The following IYD variants were observed in gnomAD, a reference collection of about 807,000 sequenced individuals.
IYD encodes the protein iodotyrosine deiodinase.
A neutral mutation model predicts 28.4 loss-of-function variants in IYD; 25 were observed. The ratio of observed to expected loss-of-function variants is 0.88; its 90% confidence interval spans 0.64 to 1.23. IYD has a LOEUF of 1.23. Ranked by LOEUF, IYD falls within the 50% of genes most tolerant of loss-of-function variation. The pLI, the probability that IYD is intolerant of heterozygous loss-of-function variation, is 0.00. For missense variants in IYD, 352 were observed against 357.9 expected (o/e 0.98, Z 0.13); for synonymous variants, 140 against 130.8 (o/e 1.07, Z -0.48).
At chr6:150,388,643 CTTT>C (rs1164890741) in intron 1 of IYD, among the ~76,000 whole-genome samples, 22 of 54,028 alleles carry the variant, frequency 4.1e-4, no homozygotes, top group African/African-American at 9.3e-4. Context: ...TTCTTTCTTT[CTTT>C]CTTTCTTTCT....
chr6:150,385,494 A>T (rs117034749), intron 1 of IYD, among the ~76,000 whole-genome samples: 1 of 16,218 alleles, frequency 6.2e-5, no homozygotes, highest in Non-Finnish European at 1.8e-4. Flanking sequence ...TAATGTGATA[A>T]AAAAAAAAAG....
chr6:150,392,509 A>C lies in IYD; in HGVS notation c.530+5A>C. The C allele has an allele frequency of 1.2e-6, 2 of 1,613,688 alleles. No homozygotes were observed. The highest frequency in any genetic ancestry group is 1.7e-6 in the Non-Finnish European group (2 of 1,179,718). ...CACAGACCTCAAGAAACTGAGGTAC[A>C]AACAGTGGTGGAACTGGGGATGTTT... is the stretch of plus-strand genomic sequence containing the variant. On this transcript the variant is annotated splice_donor_5th_base_variant and intron_variant, in intron 3 of 4. Transcript: ENST00000344419.
chr6:150,388,695 C>T (rs1168482249), intron 1 of IYD, among the ~76,000 whole-genome samples: 9 of 103,116 alleles, frequency 8.7e-5, no homozygotes, highest in East Asian at 2.8e-4. Context: ...TCTTTCCTTC[C>T]TTCCTTTCTC....
intron 2 of IYD, among the ~76,000 whole-genome samples, chr6:150,390,917 C>A (rs960479834): frequency 3.9e-5 from 6 of 152,104 alleles, no homozygotes; most frequent in Non-Finnish European, 7.4e-5. Context: ...GACACATGGC[C>A]GTGCGTATTG....
intron 4 of IYD, chr6:150,395,319 T>C: frequency 1.0e-6 from 1 of 1,004,344 alleles, no homozygotes; most frequent in Non-Finnish European, 1.5e-6. Context: ...AAAAGAGAGC[T>C]TCTTCACTAT....
intron 1 of IYD, among the ~76,000 whole-genome samples, chr6:150,376,348 C>A (rs898024248): frequency 6.6e-6 from 1 of 152,032 alleles, no homozygotes; most frequent in South Asian, 2.1e-4. Flanking sequence ...CGCCAATAAC[C>A]CAGTGGGGTC....
chr6:150,382,997 T>C (rs1234291251), intron 1 of IYD, among the ~76,000 whole-genome samples: 1 of 152,222 alleles, frequency 6.6e-6, no homozygotes, highest in East Asian at 1.9e-4. Context: ...CCTAAATACA[T>C]TGTTATTTTT....
chr6:150,386,980 C>T (rs1444555112), intron 1 of IYD, among the ~76,000 whole-genome samples: 2 of 152,082 alleles, frequency 1.3e-5, no homozygotes, highest in Non-Finnish European at 2.9e-5. Flanking sequence ...TCAGTTATTT[C>T]TGTGTTCTTC....
At chr6:150,393,301 C>A (rs1472692926) in intron 3 of IYD, among the ~76,000 whole-genome samples, 6 of 152,150 alleles carry the variant, frequency 3.9e-5, no homozygotes, top group Non-Finnish European at 8.8e-5. Context: ...AAAGCGTTAC[C>A]ATTTTCCCTC....
intron 1 of IYD, among the ~76,000 whole-genome samples, chr6:150,379,821 A>G (rs1408536033): frequency 6.6e-6 from 1 of 152,168 alleles, no homozygotes; most frequent in Non-Finnish European, 1.5e-5. Context: ...CATTGGGTCC[A>G]TTCATTCCCC....
intron 1 of IYD, among the ~76,000 whole-genome samples, chr6:150,371,744 G>T (rs1777248350): frequency 6.6e-6 from 1 of 152,210 alleles, no homozygotes; most frequent in Non-Finnish European, 1.5e-5. Context: ...GACAAAGTCT[G>T]CCCTGAGTGT....
At position 150,404,675 on chromosome 6, in the gene IYD, A is replaced by C. The variant is rs1178015985; in HGVS notation, c.*6438A>C. On this transcript the variant is annotated 3_prime_UTR_variant, in exon 5 of 5. Coordinates refer to ENST00000344419, the MANE Select transcript of IYD (RefSeq NM_203395.3). ...GGCTTATTCAACTTGAGTTAATCAA[A>C]CATTAATTAAAGCCCCCCTTCCCCA... The C allele has an allele frequency of 2.8e-4, 43 of 152,240 alleles. 1 individual carries two copies. The highest frequency in any genetic ancestry group is 2.8e-3 in the Admixed American group (43 of 15,286). 9.4% of individuals were successfully genotyped at this position (152,240 alleles called of 1,614,324 possible).
At chr6:150,371,046 G>A (rs772766078) in intron 1 of IYD, among the ~76,000 whole-genome samples, 43 of 152,310 alleles carry the variant, frequency 2.8e-4, no homozygotes, top group Non-Finnish European at 6.2e-4. Context: ...AGTGGGCATT[G>A]CTAGAGAGAA....
rs1194617881 is a variant in IYD, at chr6:150,396,478, C to T, written c.688-1577C>T. The T allele has an allele frequency of 7.2e-6, 5 of 699,232 alleles. No individual in the cohort carries two copies. The Admixed American group carries it at 1.0e-4, about 14-fold the overall frequency. The allele number at this position is 699,232 out of a possible 1,614,324, so 43.3% of individuals were successfully genotyped here. On this transcript the variant is annotated intron_variant, in intron 4 of 4. Transcript: ENST00000344419. ...TGGTCTGTGTATTTGCAGGTTTCTA[C>T]TGCTAGAGACATACAAAATTCAGTA...
At chr6:150,381,647 C>A (rs1222722875) in intron 1 of IYD, among the ~76,000 whole-genome samples, 1 of 152,166 alleles carries the variant, frequency 6.6e-6, no homozygotes, top group East Asian at 1.9e-4. Context: ...GAAGTAACTT[C>A]TATTTTGAAT....
At chr6:150,384,158 A>G (rs1271161771) in intron 1 of IYD, 2 of 152,198 alleles carry the variant, frequency 1.3e-5, no homozygotes, top group African/African-American at 2.4e-5. Context: ...ATTTTCAGCA[A>G]TATCACAGCA....
At chr6:150,381,909 T>C (rs1777659359) in intron 1 of IYD, among the ~76,000 whole-genome samples, 1 of 152,226 alleles carries the variant, frequency 6.6e-6, no homozygotes, top group South Asian at 2.1e-4. Flanking sequence ...CTATTTCTAG[T>C]TTAGGACTAT....
At chr6:150,390,215 A>G (rs1778060579) in intron 2 of IYD, among the ~76,000 whole-genome samples, 1 of 152,222 alleles carries the variant, frequency 6.6e-6, no homozygotes, top group South Asian at 2.1e-4. Flanking sequence ...CATGCCCGTT[A>G]TTAATCTATT....
At chr6:150,384,447 T>C (rs1777786984) in intron 1 of IYD, 3 of 152,246 alleles carry the variant, frequency 2.0e-5, no homozygotes, top group Admixed American at 1.3e-4. Flanking sequence ...GTTTACTTTC[T>C]GTACTGGCCT....
Sources: gnomAD v4.1 joint callset for allele counts (sites outside exome capture counted in the v4.1 genomes callset) on GRCh38, gnomAD v4.1.1 for gene constraint, MANE v1.5 for transcripts, NCBI Gene and HGNC (gene_info 2026-07-23, HGNC 2026-07-21) for gene names.